The following LUZP2 variants were observed in gnomAD, a reference collection of about 807,000 sequenced individuals.
The protein encoded by LUZP2 is leucine zipper protein 2.
In LUZP2, 52 loss-of-function variants were observed where a neutral mutation model predicts 51.6. That is an observed-to-expected ratio of 1.01 (90% CI 0.81 to 1.27). LUZP2 has a LOEUF of 1.27. LUZP2 is among the 50% of genes most tolerant of loss of function. The pLI is 0.00. For missense variants in LUZP2, 436 were observed against 395.4 expected, an observed-to-expected ratio of 1.10 and a Z score of -0.87; for synonymous variants, 154 against 137.3, an observed-to-expected ratio of 1.12 and a Z score of -0.85.
intron 1 of LUZP2, among the ~76,000 whole-genome samples, chr11:24,546,319 T>C (rs1224563092): frequency 6.6e-6 from 1 of 152,076 alleles, no homozygotes; most frequent in Non-Finnish European, 1.5e-5. Context: ...CAAGACAATG[T>C]TGAACAAGAA....
At chr11:25,057,147 C>G (rs1231570845) in intron 10 of LUZP2, among the ~76,000 whole-genome samples, 1 of 152,120 alleles carries the variant, frequency 6.6e-6, no homozygotes, top group African/African-American at 2.4e-5. Context: ...ATGTCACATT[C>G]AACCATATCA....
chr11:24,735,498 G>C (rs1030023170), intron 3 of LUZP2, among the ~76,000 whole-genome samples: 3 of 151,716 alleles, frequency 2.0e-5, no homozygotes, highest in Admixed American at 2.0e-4. Context: ...TTTTGGACTC[G>C]GTATACTAAA....
chr11:24,746,558 C>G (rs1015738323), intron 4 of LUZP2, among the ~76,000 whole-genome samples: 1 of 152,032 alleles, frequency 6.6e-6, no homozygotes, highest in South Asian at 2.1e-4. Flanking sequence ...GATGAATTTC[C>G]CTGTGTTCTT....
intron 5 of LUZP2, among the ~76,000 whole-genome samples, chr11:24,844,838 C>A (rs773742900): frequency 6.6e-6 from 1 of 152,192 alleles, no homozygotes; most frequent in Non-Finnish European, 1.5e-5. Context: ...GTTGAACCTG[C>A]AAGTGCACAA....
intron 5 of LUZP2, among the ~76,000 whole-genome samples, chr11:24,847,557 G>T (rs1322733543): frequency 2.0e-5 from 3 of 152,050 alleles, no homozygotes; most frequent in African/African-American, 7.2e-5. Flanking sequence ...CAACACTCAT[G>T]GTCTTTACCA....
intron 5 of LUZP2, among the ~76,000 whole-genome samples, chr11:24,881,086 G>T (rs1231957753): frequency 1.3e-5 from 2 of 152,132 alleles, no homozygotes; most frequent in Admixed American, 6.6e-5. Context: ...TTGTTTTTTG[G>T]TTGCCAGGTA....
intron 1 of LUZP2, among the ~76,000 whole-genome samples, chr11:24,672,775 C>T (rs565060360): frequency 6.6e-6 from 1 of 152,328 alleles, no homozygotes; most frequent in African/African-American, 2.4e-5. Context: ...TCCTAGGCTA[C>T]AAACCTGTAC....
chr11:24,934,970 T>G (rs2133839995), intron 7 of LUZP2, among the ~76,000 whole-genome samples: 1 of 152,332 alleles, frequency 6.6e-6, no homozygotes, highest in Non-Finnish European at 1.5e-5. Flanking sequence ...TGGCAGTGAA[T>G]ACTATTTGTT....
intron 1 of LUZP2, among the ~76,000 whole-genome samples, chr11:24,503,560 G>A (rs1260364770): frequency 2.6e-5 from 4 of 152,160 alleles, no homozygotes; most frequent in Non-Finnish European, 5.9e-5. Context: ...GTTTGGTGTT[G>A]CTTTCCAGTG....
chr11:24,729,247 G>A lies in LUZP2; in HGVS notation c.141G>A (p.Lys47=). 2 of 1,569,104 alleles carry A rather than the reference G, an allele frequency of 1.3e-6. No homozygotes were observed. Among genetic ancestry groups the A allele is most frequent in the Non-Finnish European group, 1.7e-6 (2 of 1,150,686 alleles). The change falls in exon 2 of 12, where the codon AAG becomes AAA. Residue 47 remains lysine (K), a synonymous_variant. Transcript: ENST00000336930. The part of the protein sequence containing the change: ...ERSTILRQLT[K]TSRELDGIKV... ...GCACCATTCTTCGTCAGCTGACAAA[G>A]ACATCAAGAGAACTTGATGGAATTA...
intron 1 of LUZP2, among the ~76,000 whole-genome samples, chr11:24,665,826 T>C (rs1856194695): frequency 6.6e-6 from 1 of 152,168 alleles, no homozygotes; most frequent in African/African-American, 2.4e-5. Flanking sequence ...CTTTCCTTTA[T>C]AAATTACCTA....
intron 5 of LUZP2, among the ~76,000 whole-genome samples, chr11:24,841,618 C>T (rs373457087): frequency 1.9e-4 from 29 of 152,116 alleles, no homozygotes; most frequent in Middle Eastern, 3.4e-3. Flanking sequence ...AAATGCCTTC[C>T]AATTTCTCAA....
intron 3 of LUZP2, among the ~76,000 whole-genome samples, chr11:24,732,775 A>T (rs1346634371): frequency 6.6e-6 from 1 of 151,744 alleles, no homozygotes; most frequent in Non-Finnish European, 1.5e-5. Context: ...ATATGGAAAC[A>T]ACTTTACGTC....
intron 9 of LUZP2, among the ~76,000 whole-genome samples, chr11:24,989,082 G>C (rs1447859370): frequency 1.4e-5 from 2 of 146,216 alleles, no homozygotes; most frequent in Non-Finnish European, 3.0e-5. Context: ...ATATAAAAAG[G>C]CTTAGATTCC....
At chr11:24,739,920 T>C (rs1859072057) in intron 4 of LUZP2, among the ~76,000 whole-genome samples, 1 of 152,234 alleles carries the variant, frequency 6.6e-6, no homozygotes, top group South Asian at 2.1e-4. Flanking sequence ...TGGCCTAAAG[T>C]CTGGCTCACT....
intron 7 of LUZP2, among the ~76,000 whole-genome samples, chr11:24,951,893 T>C (rs1159065570): frequency 1.3e-5 from 2 of 151,742 alleles, no homozygotes; most frequent in African/African-American, 4.8e-5. Context: ...TATTCTCCAA[T>C]GCAGCATACA....
intron 5 of LUZP2, among the ~76,000 whole-genome samples, chr11:24,836,914 T>A (rs1850876406): frequency 6.6e-6 from 1 of 151,842 alleles, no homozygotes; most frequent in Non-Finnish European, 1.5e-5. Context: ...GTTGAGATCC[T>A]CATTAGCATG....
chr11:24,606,983 T>C (rs1168636915), intron 1 of LUZP2, among the ~76,000 whole-genome samples: 1 of 152,084 alleles, frequency 6.6e-6, no homozygotes, highest in Non-Finnish European at 1.5e-5. Flanking sequence ...AATCATTCTT[T>C]ACTTGGTTTT....
At chr11:24,735,031 G>T (rs2133977658) in intron 3 of LUZP2, among the ~76,000 whole-genome samples, 1 of 152,040 alleles carries the variant, frequency 6.6e-6, no homozygotes, top group South Asian at 2.1e-4. Context: ...ATCAATTAGT[G>T]TCTCCCTTTG....
Sources: gnomAD v4.1 joint callset for allele counts (sites outside exome capture counted in the v4.1 genomes callset) on GRCh38, gnomAD v4.1.1 for gene constraint, MANE v1.5 for transcripts, NCBI Gene and HGNC (gene_info 2026-07-23, HGNC 2026-07-21) for gene names.